The following CERK variants were observed in gnomAD, a reference collection of about 807,000 sequenced individuals.
The protein encoded by CERK is ceramide kinase.
CERK carries 39 observed loss-of-function variants against 63.4 expected under a neutral mutation model. That is an observed-to-expected ratio of 0.61 (90% CI 0.48 to 0.80). The LOEUF (loss-of-function observed/expected upper bound fraction) is 0.80, where lower values mean the gene tolerates loss of function less well. Among genes scored for constraint, CERK ranks in the 30% least tolerant of loss-of-function variants. The pLI, the probability that CERK is intolerant of heterozygous loss-of-function variation, is 0.00. For synonymous variants in CERK, 302 were observed against 280.0 expected (o/e 1.08, Z -0.78); for missense variants, 670 against 714.1 (o/e 0.94, Z 0.70).
intron 9 of CERK, chr22:46,693,932 A>C (rs2082743623): frequency 5.3e-6 from 1 of 189,686 alleles, no homozygotes; most frequent in South Asian, 9.8e-5. Flanking sequence ...CAGAACCATC[A>C]GCTTAGAACT....
At chr22:46,704,412 T>C (rs998733203) in intron 6 of CERK, among the ~76,000 whole-genome samples, 1 of 152,110 alleles carries the variant, frequency 6.6e-6, no homozygotes, top group Non-Finnish European at 1.5e-5. Context: ...AAAAACAGAA[T>C]TCATGGAATC....
intron 1 of CERK, among the ~76,000 whole-genome samples, chr22:46,723,138 G>C (rs1380120451): frequency 1.3e-5 from 2 of 152,216 alleles, no homozygotes; most frequent in East Asian, 3.8e-4. Context: ...CACTGGACCT[G>C]CAGCAAGGTG....
chr22:46,693,123 A>G (rs773157318), intron 10 of CERK, among the ~76,000 whole-genome samples: 3 of 152,120 alleles, frequency 2.0e-5, no homozygotes, highest in Non-Finnish European at 4.4e-5. Context: ...CAAGCCCTCA[A>G]TGGGACATCT....
At chr22:46,710,635 A>G (rs751986956) in intron 5 of CERK, among the ~76,000 whole-genome samples, 4 of 152,210 alleles carry the variant, frequency 2.6e-5, no homozygotes, top group Non-Finnish European at 4.4e-5. Flanking sequence ...CTGAACATCT[A>G]CAAGTGAGAG....
intron 6 of CERK, among the ~76,000 whole-genome samples, chr22:46,707,564 G>A (rs1295656277): frequency 6.6e-6 from 1 of 152,162 alleles, no homozygotes; most frequent in Admixed American, 6.5e-5. Flanking sequence ...GGGCACCGGG[G>A]GTTCCCCACT....
rs980450416 is a variant in CERK, at chr22:46,710,825, A to G, written c.569+261T>C. ...TGCTTCTCTGTCTACACAGCACCGCATAAGCACATCTTCTGAAAGACCGAA... is the reference window on the plus strand; with the variant it reads ...TGCTTCTCTGTCTACACAGCACCGCGTAAGCACATCTTCTGAAAGACCGAA... On this transcript the variant is annotated intron_variant, in intron 5 of 12. Coordinates refer to ENST00000216264, the MANE Select transcript of CERK (RefSeq NM_022766.6). Among the ~76,000 whole-genome samples the G allele has an allele frequency of 5.9e-5, 9 of 152,366 alleles. No individual in the cohort carries two copies. In the East Asian group the frequency reaches 1.3e-3, roughly 23 times the overall value.
At position 46,738,093 on chromosome 22, in the gene CERK, TG is replaced by T; in HGVS notation, c.55del (p.Gln19SerfsTer5). On this transcript the variant is annotated frameshift_variant, in exon 1 of 13. Transcript: ENST00000216264. LOFTEE classifies it high-confidence loss of function. The part of the protein sequence containing the change: ...PLQSVLWVKQ[Q>X]RCAVSLEPAR... ...GGGCTCCAGGCTCACGGCGCAGCGC[TG>T]CTGCTTCACCCACAGCACGGATTGC... The T allele has an allele frequency of 7.8e-7, 1 of 1,287,980 alleles. No individual in the cohort carries two copies. Among genetic ancestry groups the T allele is most frequent in the Non-Finnish European group, 9.9e-7 (1 of 1,010,024 alleles). The allele number at this position is 1,287,980 out of a possible 1,614,324, so 79.8% of individuals were successfully genotyped here. A position where few individuals can be genotyped will look rare whatever the true frequency, so the allele number is the denominator to read the frequency against.
chr22:46,686,057 G>A lies in CERK; in HGVS notation c.*1077C>T, dbSNP rs1286859896. On this transcript the variant is annotated 3_prime_UTR_variant, in exon 13 of 13. Transcript: ENST00000216264. The stretch of plus-strand genomic sequence containing the variant: ...GGGGAGCGCGGCAGGAATGCCTTCC[G>A]GGAAGAATCCTCTGGTCGCCGGAGC... The A allele has an allele frequency of 6.6e-6, 1 of 152,182 alleles. No individual in the cohort carries two copies. The highest frequency in any genetic ancestry group is 2.4e-5 in the African/African-American group (1 of 41,434). 9.4% of individuals were successfully genotyped at this position (152,182 alleles called of 1,614,324 possible).
chr22:46,707,292 C>T (rs1005475964), intron 6 of CERK, among the ~76,000 whole-genome samples: 1 of 152,184 alleles, frequency 6.6e-6, no homozygotes, highest in Non-Finnish European at 1.5e-5. Flanking sequence ...CTTAGCTTAA[C>T]ACTGTGATTT....
At chr22:46,718,448 C>T (rs761228740) in intron 3 of CERK, among the ~76,000 whole-genome samples, 19 of 152,168 alleles carry the variant, frequency 1.2e-4, no homozygotes, top group African/African-American at 2.9e-4. Context: ...CAGCCTAGTG[C>T]GGAACGACAT....
Position 46,686,131 on chromosome 22 carries a change from AGAC to A in CERK, c.*1000_*1002del, listed in dbSNP as rs1433621459. ...CGATCCATCGTGGCTTCGAGGCAAAAGACAGACATCCGAGACGCAGTTTACACT... is the reference window on the plus strand; with the variant it reads ...CGATCCATCGTGGCTTCGAGGCAAAAAGACATCCGAGACGCAGTTTACACT... On this transcript the variant is annotated 3_prime_UTR_variant, in exon 13 of 13. Transcript: ENST00000216264. The A allele has an allele frequency of 2.6e-5, 4 of 152,292 alleles. No individual in the cohort carries two copies. Among genetic ancestry groups the A allele is most frequent in the Admixed American group, 6.5e-5 (1 of 15,290 alleles). The allele number at this position is 152,292 out of a possible 1,614,324, so 9.4% of individuals were successfully genotyped here.
Position 46,684,524 on chromosome 22 carries a change from A to T in CERK, c.*2610T>A, listed in dbSNP as rs1601703676. ...AGAATGAGGCCATCCTTTCACTCAG[A>T]CTTTCCCAGTTACTCAAGATTGTAT... On this transcript the variant is annotated 3_prime_UTR_variant, in exon 13 of 13. Coordinates refer to ENST00000216264, the MANE Select transcript of CERK (RefSeq NM_022766.6). 2.0e-5 allele frequency: 3 copies of T among 152,164 alleles called. No individual in the cohort carries two copies. In the South Asian group the frequency reaches 6.2e-4, roughly 32 times the overall value. 9.4% of individuals were successfully genotyped at this position (152,164 alleles called of 1,614,324 possible).
chr22:46,727,768 C>A (rs958327346), intron 1 of CERK, among the ~76,000 whole-genome samples: 5 of 152,156 alleles, frequency 3.3e-5, no homozygotes, highest in Non-Finnish European at 7.3e-5. Context: ...CCGGTGACCA[C>A]CCAAGGTCCA....
At chr22:46,732,335 G>C (rs1468377332) in intron 1 of CERK, among the ~76,000 whole-genome samples, 5 of 152,002 alleles carry the variant, frequency 3.3e-5, no homozygotes, top group South Asian at 2.1e-4. Flanking sequence ...ACCAGCTACA[G>C]GTTCCTGAGA....
chr22:46,737,976 C>T (rs1045432930), intron 1 of CERK, 31 bp downstream of exon 1: 141 of 1,159,992 alleles, frequency 1.2e-4, no homozygotes, highest in Admixed American at 1.9e-4. Context: ...CTGGCCAGGT[C>T]CGGCCGAACC....
chr22:46,708,154 G>T (rs1004067500), intron 5 of CERK, among the ~76,000 whole-genome samples, 166 bp from the exon 6 acceptor site: 1 of 152,350 alleles, frequency 6.6e-6, no homozygotes, highest in Non-Finnish European at 1.5e-5. Context: ...TCGTGCCTCT[G>T]TGCCAGTTGG....
At chr22:46,730,400 A>T (rs919530896) in intron 1 of CERK, among the ~76,000 whole-genome samples, 10 of 152,336 alleles carry the variant, frequency 6.6e-5, no homozygotes, top group African/African-American at 2.4e-4. Context: ...CAGTCTGGGT[A>T]ACAGAGTGAC....
chr22:46,738,129 G>A lies in CERK; in HGVS notation c.20C>T (p.Ala7Val), dbSNP rs1450151723. 9.8e-6 allele frequency: 12 copies of A among 1,229,148 alleles called. No individual in the cohort carries two copies. Among genetic ancestry groups the A allele is most frequent in the East Asian group, 8.0e-5 (2 of 24,984 alleles). 76.1% of individuals were successfully genotyped at this position (1,229,148 alleles called of 1,614,324 possible). The change falls in exon 1 of 13, where the codon GCG (alanine) becomes GTG (valine). Residue 7 changes from alanine (A) to valine (V), a missense_variant. Physicochemically the swap from Ala to Val is moderately conservative, Grantham distance 64. Coordinates refer to ENST00000216264, the MANE Select transcript of CERK (RefSeq NM_022766.6). The part of the protein sequence containing the change: MGATGA[A>V]EPLQSVLWVK... ...CCACAGCACGGATTGCAGCGGCTCC[G>A]CCGCCCCCGTCGCCCCCATCTCCGC...
At chr22:46,733,208 C>CAA (rs35759818) in intron 1 of CERK, among the ~76,000 whole-genome samples, 1,220 of 77,286 alleles carry the variant, frequency 0.016, 32 homozygotes, top group African/African-American at 0.069. Flanking sequence ...GACTCTGTCT[C>CAA]AAAAAAAAAA....
Sources: allele counts gnomAD v4.1 joint callset (sites outside exome capture counted in the v4.1 genomes callset), GRCh38; gene constraint gnomAD v4.1.1; transcripts MANE v1.5; gene names NCBI Gene and HGNC (gene_info 2026-07-23, HGNC 2026-07-21).